MARS1: variants seen among roughly 807,000 people sequenced by gnomAD.
The protein encoded by MARS1 is methionyl-tRNA synthetase 1.
MARS1 carries 80 observed loss-of-function variants against 119.5 expected under a neutral mutation model. The observed-to-expected ratio is 0.67, with a 90% CI of 0.56 to 0.81. The LOEUF is 0.81. Ranked by LOEUF, MARS1 falls within the 30% of genes least tolerant of loss-of-function variation. MARS1 has a pLI of 0.00. For synonymous variants in MARS1, 418 were observed against 433.4 expected (o/e 0.96, Z 0.44); for missense variants, 945 against 1,116.5 (o/e 0.85, Z 2.19).
intron 7 of MARS1, among the ~76,000 whole-genome samples, chr12:57,495,369 C>T (rs1017025960): frequency 8.6e-5 from 13 of 151,178 alleles, no homozygotes; most frequent in South Asian, 2.1e-4. Flanking sequence ...GACGGGGTCG[C>T]GGCCGGGCAG....
intron 7 of MARS1, among the ~76,000 whole-genome samples, chr12:57,493,481 TAATA>T (rs1374220539): frequency 2.1e-4 from 2 of 9,310 alleles, no homozygotes; most frequent in African/African-American, 3.5e-4. Flanking sequence ...ATATAATATA[TAATA>T]TATAATATAT....
chr12:57,504,139 A>G lies in MARS1; in HGVS notation c.1294-86A>G, dbSNP rs1877064747. On this transcript the variant is annotated intron_variant, in intron 10 of 20. Transcript: ENST00000262027. ...AGCTAAACTAGATGGCAGACTGAGGAGCTAATCCTTCTCTGCTCCTCCCCT... is the reference window on the plus strand; with the variant it reads ...AGCTAAACTAGATGGCAGACTGAGGGGCTAATCCTTCTCTGCTCCTCCCCT... 4.6e-6 allele frequency: 4 copies of G among 868,240 alleles called. No individual in the cohort carries two copies. The East Asian group carries it at 9.7e-5, about 21-fold the overall frequency. The allele number at this position is 868,240 out of a possible 1,614,324, so 53.8% of individuals were successfully genotyped here. A position where few individuals can be genotyped will look rare whatever the true frequency, so the allele number is the denominator to read the frequency against.
intron 5 of MARS1, 103 bp from the exon 6 acceptor site, chr12:57,490,104 T>C: frequency 1.4e-6 from 2 of 1,472,050 alleles, no homozygotes; most frequent in South Asian, 2.3e-5. Context: ...TTGAGGGAAC[T>C]GGGGAAAGCA....
At position 57,514,940 on chromosome 12, in the gene MARS1, TC is replaced by T; in HGVS notation, c.2100-12del. The T allele has an allele frequency of 6.2e-7, 1 of 1,614,140 alleles. No homozygotes were observed. The highest frequency in any genetic ancestry group is 8.5e-7 in the Non-Finnish European group (1 of 1,179,996). ...GTAGGACATTACACCTTGGCCTGCT[TC>T]CTCCCTTCCCAGGATCCGGGATGCC... On this transcript the variant is annotated splice_polypyrimidine_tract_variant and intron_variant, in intron 16 of 20. Transcript: ENST00000262027.
At chr12:57,508,235 T>C (rs1034996047) in intron 11 of MARS1, among the ~76,000 whole-genome samples, 6 of 152,026 alleles carry the variant, frequency 3.9e-5, no homozygotes, top group African/African-American at 7.2e-5. Flanking sequence ...CAGGCAGAGA[T>C]GCTCCTCACT....
Position 57,489,127 on chromosome 12 carries a change from G to A in MARS1, c.200+18G>A, listed in dbSNP as rs764221234. The A allele has an allele frequency of 2.5e-6, 4 of 1,611,376 alleles. No homozygotes were observed. In the African/African-American group the frequency reaches 4.0e-5, roughly 16 times the overall value. ...ATCTGCCGGTCAGTATTGGTCCTTG[G>A]TGTAGGGAGGTGGCTGAATCAAATC... On this transcript the variant is annotated intron_variant, in intron 2 of 20. Transcript: ENST00000262027.
chr12:57,506,558 G>A (rs1678537), intron 11 of MARS1, among the ~76,000 whole-genome samples: 24,634 of 152,186 alleles, frequency 0.16, 2,129 homozygotes, highest in East Asian at 0.26. Context: ...TCAGAGCCAC[G>A]TGATGGCCAT....
At chr12:57,513,475 G>T (rs751291371) in intron 15 of MARS1, among the ~76,000 whole-genome samples, 1 of 151,980 alleles carries the variant, frequency 6.6e-6, no homozygotes, top group Admixed American at 6.6e-5. Context: ...TCAGCCAGGC[G>T]TGGTGGCGCA....
Position 57,493,749 on chromosome 12 carries a change from ACATTATATTAT to A in MARS1, c.770+3106_770+3116del, listed in dbSNP as rs1876327200. Reference sequence around the variant, plus strand: ...TTATATTATATAATATATATTATATACATTATATTATATATATTATATATAATATATATTAT... The same window carrying A: ...TTATATTATATAATATATATTATATAATATATTATATATAATATATATTAT... On this transcript the variant is annotated intron_variant, in intron 7 of 20. Coordinates refer to ENST00000262027, the MANE Select transcript of MARS1 (RefSeq NM_004990.4). Among the ~76,000 whole-genome samples, 2 of 4,414 alleles carry A rather than the reference ACATTATATTAT, an allele frequency of 4.5e-4. 1 individual carries two copies. Among genetic ancestry groups the A allele is most frequent in the Admixed American group, 0.013 (2 of 154 alleles). The allele number at this position is 4,414 out of a possible 152,430, so 2.9% of individuals were successfully genotyped here.
chr12:57,488,941 C>T, intron 1 of MARS1, 78 bp from the exon 2 acceptor site: 2 of 1,167,470 alleles, frequency 1.7e-6, no homozygotes, highest in Non-Finnish European at 2.6e-6. Flanking sequence ...CTGAACAATG[C>T]AAGGTTATCC....
intron 11 of MARS1, among the ~76,000 whole-genome samples, chr12:57,508,102 T>C (rs973023680): frequency 6.0e-5 from 9 of 150,906 alleles, no homozygotes; most frequent in Admixed American, 5.9e-4. Flanking sequence ...CTAGATGGGA[T>C]GGCAGCTGGG....
chr12:57,506,040 T>A (rs966986155), intron 11 of MARS1, among the ~76,000 whole-genome samples: 1 of 152,038 alleles, frequency 6.6e-6, no homozygotes, highest in African/African-American at 2.4e-5. Flanking sequence ...GGCCGATGAC[T>A]TGAGCCTAGG....
chr12:57,498,171 G>A lies in MARS1; in HGVS notation c.785G>A (p.Gly262Glu). 1 of 1,613,640 alleles carries A rather than the reference G, an allele frequency of 6.2e-7. No homozygotes were observed. Among genetic ancestry groups the A allele is most frequent in the African/African-American group, 1.3e-5 (1 of 75,028 alleles). Residue 262 changes from glycine (G) to glutamate (E), a missense_variant, in exon 8 of 21, where the codon GGA becomes GAA. Coordinates refer to ENST00000262027, the MANE Select transcript of MARS1 (RefSeq NM_004990.4). ...TTCCTTACTAGGTTGCCTGTGGCTGGAGAAAGGAATGTGCTCATCACCAGT... is the reference window on the plus strand; with the variant it reads ...TTCCTTACTAGGTTGCCTGTGGCTGAAGAAAGGAATGTGCTCATCACCAGT... ...PQQNPVLPVA[G>E]ERNVLITSAL...
intron 8 of MARS1, 64 bp from the exon 9 acceptor site, chr12:57,498,356 G>A: frequency 6.3e-7 from 1 of 1,595,888 alleles, no homozygotes; most frequent in South Asian, 1.1e-5. Flanking sequence ...TGGGGCTGGG[G>A]AGATCCCAAG....
chr12:57,516,395 T>G (rs1157926415), intron 20 of MARS1, 40 bp from the exon 21 acceptor site: 1 of 1,611,888 alleles, frequency 6.2e-7, no homozygotes, highest in South Asian at 1.1e-5. Context: ...TAGATCTTTT[T>G]CTTGCCTCAC....
At chr12:57,488,582 T>C in intron 1 of MARS1, 4 of 1,550,940 alleles carry the variant, frequency 2.6e-6, no homozygotes, top group Non-Finnish European at 3.5e-6. Context: ...TCTCCCCTCC[T>C]AACACACACA....
At chr12:57,502,470 G>A (rs1876959785) in intron 10 of MARS1, among the ~76,000 whole-genome samples, 1 of 152,070 alleles carries the variant, frequency 6.6e-6, no homozygotes, top group Non-Finnish European at 1.5e-5. Flanking sequence ...ACTTTGGGAA[G>A]CTGAGGCGGC....
chr12:57,488,094 A>G lies in MARS1; in HGVS notation c.4A>G (p.Arg2Gly), dbSNP rs768218128. The change falls in exon 1 of 21, where the codon AGA becomes GGA. Residue 2 changes from arginine to glycine, a missense_variant. Coordinates refer to ENST00000262027, the MANE Select transcript of MARS1 (RefSeq NM_004990.4). M[R>G]LFVSDGVPGC... is the part of the protein sequence containing the mutation. ...TCAGCGAGGGATTCACGGCGAAATG[A>G]GACTGTTCGTGAGTGATGGCGTCCC... The G allele has an allele frequency of 6.2e-7, 1 of 1,613,896 alleles. No homozygotes were observed. The highest frequency in any genetic ancestry group is 1.7e-5 in the Admixed American group (1 of 60,010).
At position 57,489,528 on chromosome 12, in the gene MARS1, G is replaced by A. The variant is rs1338929363; in HGVS notation, c.384G>A (p.Leu128=). Residue 128 remains leucine (L), a synonymous_variant, in exon 4 of 21, where the codon TTG becomes TTA. Transcript: ENST00000262027. ...CCCTGACTCACATTGACCACAGCTT[G>A]AGTCGTCAGAACTGTCCTTTCCTGG... ...RRALTHIDHS[L]SRQNCPFLAG... The A allele has an allele frequency of 6.2e-7, 1 of 1,614,160 alleles. No homozygotes were observed. The highest frequency in any genetic ancestry group is 8.5e-7 in the Non-Finnish European group (1 of 1,180,022).
Sources: allele counts gnomAD v4.1 joint callset (sites outside exome capture counted in the v4.1 genomes callset), GRCh38; gene constraint gnomAD v4.1.1; transcripts MANE v1.5; gene names NCBI Gene and HGNC (gene_info 2026-07-23, HGNC 2026-07-21).